Variants in ZNF331 observed in about 807,000 individuals in gnomAD.
ZNF331 encodes the protein zinc finger protein 331.
In ZNF331, 2 loss-of-function variants were observed where a neutral mutation model predicts 7.0. That is an observed-to-expected ratio of 0.29 (90% CI 0.12 to 0.90). The LOEUF (loss-of-function observed/expected upper bound fraction) is 0.90, where lower values mean the gene tolerates loss of function less well. ZNF331 is among the 40% of genes least tolerant of loss of function. The pLI is 0.58. For missense variants in ZNF331, 432 were observed against 587.7 expected (o/e 0.74, Z 2.74); for synonymous variants, 196 against 205.4 (o/e 0.95, Z 0.39).
At chr19:53,562,848 C>T (rs932941685) in intron 3 of ZNF331, among the ~76,000 whole-genome samples, 3 of 151,640 alleles carry the variant, frequency 2.0e-5, no homozygotes, top group Non-Finnish European at 2.9e-5. Context: ...AATAGCCGGG[C>T]ATGGTGACGC....
chr19:53,539,841 T>C lies in ZNF331; in HGVS notation c.-138+559T>C, dbSNP rs372813233. Among the ~76,000 whole-genome samples, 4 of 152,204 alleles carry C rather than the reference T, an allele frequency of 2.6e-5. No individual in the cohort carries two copies. The South Asian group carries it at 8.3e-4, about 31-fold the overall frequency. ...TGTGTACCTTGACCACAATTATTGTTCAGGATGGTGGAAATGGTTAAGTAA... is the reference window on the plus strand; with the variant it reads ...TGTGTACCTTGACCACAATTATTGTCCAGGATGGTGGAAATGGTTAAGTAA... On this transcript the variant is annotated intron_variant, in intron 2 of 5. Transcript: ENST00000449416. This position sits in a 1 kb window ranked among gnomAD's most constrained non-coding sequence, Gnocchi z 6.1.
At chr19:53,542,127 CAG>C (rs1417196385) in intron 2 of ZNF331, among the ~76,000 whole-genome samples, 1 of 152,082 alleles carries the variant, frequency 6.6e-6, no homozygotes, top group African/African-American at 2.4e-5. Context: ...ATAAATGAGT[CAG>C]AGACTCCAAA....
At chr19:53,545,045 A>G (rs2088500604) in intron 2 of ZNF331, among the ~76,000 whole-genome samples, 1 of 152,166 alleles carries the variant, frequency 6.6e-6, no homozygotes, top group Non-Finnish European at 1.5e-5. Context: ...TTTATAAGGT[A>G]TCACTACTGG....
upstream of ZNF331, among the ~76,000 whole-genome samples, chr19:53,535,431 A>G (rs1465030805): frequency 2.0e-5 from 3 of 152,158 alleles, no homozygotes; most frequent in African/African-American, 7.2e-5. Flanking sequence ...AATTACTGTT[A>G]ACACTTAGTA....
At chr19:53,510,648 A>C in the ZNF331 span, among the ~76,000 whole-genome samples, 1 of 152,020 alleles carries the variant, frequency 6.6e-6, no homozygotes, top group African/African-American at 2.4e-5. Context: ...AGTTTTCTTG[A>C]TTATTCTTAT....
Position 53,556,703 on chromosome 19 carries a change from T to C in ZNF331, c.-74+795T>C, listed in dbSNP as rs145672780. On this transcript the variant is annotated intron_variant, in intron 3 of 5. Transcript: ENST00000449416. ...TCAAGGCTGGAGTGCGGTGGTGTGA[T>C]CATAGCTCACTGCAACCTCAGCCCC... 5.3e-3 allele frequency among the ~76,000 whole-genome samples: 800 copies of C among 152,174 alleles called. 10 individuals are homozygous for C. The highest frequency in any genetic ancestry group is 0.018 in the African/African-American group (746 of 41,522).
At chr19:53,555,248 G>A (rs549568225) in intron 2 of ZNF331, 40 of 128,206 alleles carry the variant, frequency 3.1e-4, no homozygotes, top group African/African-American at 1.0e-3. Flanking sequence ...TGGGTGATCG[G>A]GCCTTCTGGG....
At chr19:53,551,653 G>A (rs2089017817) in intron 2 of ZNF331, among the ~76,000 whole-genome samples, 1 of 151,566 alleles carries the variant, frequency 6.6e-6, no homozygotes, top group Non-Finnish European at 1.5e-5. Flanking sequence ...ATATCCTTGG[G>A]AAAAAAAATA....
intron 5 of ZNF331, among the ~76,000 whole-genome samples, chr19:53,572,760 A>G (rs943668300): frequency 2.1e-4 from 32 of 151,978 alleles, no homozygotes; most frequent in African/African-American, 7.5e-4. Flanking sequence ...GACAGGCACA[A>G]TCATTGTCTA....
chr19:53,513,799 G>A, the ZNF331 span, among the ~76,000 whole-genome samples: 1 of 152,172 alleles, frequency 6.6e-6, no homozygotes, highest in Non-Finnish European at 1.5e-5. Flanking sequence ...TAGTAGAGAT[G>A]AGGTTTCACC....
At chr19:53,528,502 G>A (rs2033101944) in intron 2 of ZNF331, among the ~76,000 whole-genome samples, 1 of 152,122 alleles carries the variant, frequency 6.6e-6, no homozygotes, top group Admixed American at 6.6e-5. Flanking sequence ...ATATCTCATG[G>A]TATTTATATT....
rs542711281 is a variant in ZNF331 at position 53,572,527 on chromosome 19, A to G, written c.136+797A>G. On this transcript the variant is annotated intron_variant, in intron 5 of 5. Transcript: ENST00000449416. ...AAACAAATAGGAATATATATATTTT[A>G]TATATATACACACACATATATATTA... Among the ~76,000 whole-genome samples the G allele has an allele frequency of 2.2e-5, 3 of 138,442 alleles. No individual in the cohort carries two copies. The South Asian group carries it at 6.5e-4, about 30-fold the overall frequency. The allele number at this position is 138,442 out of a possible 152,430, so 90.8% of individuals were successfully genotyped here. A position where few individuals can be genotyped will look rare whatever the true frequency, so the allele number is the denominator to read the frequency against.
rs2089563732 is a variant in ZNF331 at position 53,558,331 on chromosome 19, CT to C, written c.-74+2425del. ...GTTGGAAGAGTCCCAAGCACAGGAG[CT>C]TCTGTTCCCGTGGAATTGGGGTGCG... On this transcript the variant is annotated intron_variant, in intron 3 of 5. Coordinates refer to ENST00000449416, the MANE Select transcript of ZNF331 (RefSeq NM_001079906.2). This position sits in a 1 kb window ranked among gnomAD's most constrained non-coding sequence, Gnocchi z 4.5. Among the ~76,000 whole-genome samples the C allele has an allele frequency of 6.6e-6, 1 of 152,086 alleles. No individual in the cohort carries two copies. Among genetic ancestry groups the C allele is most frequent in the African/African-American group, 2.4e-5 (1 of 41,382 alleles).
At chr19:53,531,523 C>T (rs927745813) in intron 2 of ZNF331, among the ~76,000 whole-genome samples, 1 of 152,086 alleles carries the variant, frequency 6.6e-6, no homozygotes, top group Admixed American at 6.6e-5. Context: ...GGAAAAGATT[C>T]GTTTTTAAGT....
At chr19:53,531,502 T>C (rs1600224892) in intron 2 of ZNF331, among the ~76,000 whole-genome samples, 1 of 152,308 alleles carries the variant, frequency 6.6e-6, no homozygotes, top group East Asian at 1.9e-4. Context: ...TATTAGAATG[T>C]GGTTTGCTAA....
At chr19:53,547,649 G>A (rs946528185) in intron 2 of ZNF331, among the ~76,000 whole-genome samples, 1 of 152,170 alleles carries the variant, frequency 6.6e-6, no homozygotes, top group African/African-American at 2.4e-5. Flanking sequence ...CAGTGTATAA[G>A]GGTCCTCTTT....
intron 3 of ZNF331, among the ~76,000 whole-genome samples, chr19:53,565,114 A>T (rs1161306949): frequency 6.6e-6 from 1 of 152,122 alleles, no homozygotes; most frequent in Admixed American, 6.6e-5. Context: ...GATTCAGTGG[A>T]CTCAGCTGCT....
chr19:53,516,732 C>T (rs2086913196), upstream of ZNF331, among the ~76,000 whole-genome samples: 1 of 152,140 alleles, frequency 6.6e-6, no homozygotes, highest in Non-Finnish European at 1.5e-5. Flanking sequence ...AAAATGGAAG[C>T]TAACTCCTTA....
exon 1 of ZNF331, chr19:53,521,195 C>G (rs1445489607): frequency 6.6e-6 from 1 of 152,402 alleles, no homozygotes; most frequent in African/African-American, 2.4e-5. Context: ...AGCTATTTGC[C>G]TCCCAGGAGG....
Sources: allele counts gnomAD v4.1 joint callset (sites outside exome capture counted in the v4.1 genomes callset), GRCh38; gene constraint gnomAD v4.1.1; non-coding constraint Gnocchi (gnomAD v3.1); transcripts MANE v1.5; gene names NCBI Gene and HGNC (gene_info 2026-07-23, HGNC 2026-07-21).